The following KIAA1217 variants were observed in gnomAD, a reference collection of about 807,000 sequenced individuals.
KIAA1217 encodes the protein sickle tail protein homolog.
A neutral mutation model predicts 163.9 loss-of-function variants in KIAA1217; 88 were observed. The observed-to-expected ratio is 0.54, with a 90% confidence interval of 0.45 to 0.64. The LOEUF is 0.64. KIAA1217 is among the 30% of genes least tolerant of loss of function. KIAA1217 has a pLI of 0.00. For synonymous variants in KIAA1217, 903 were observed against 923.1 expected, an observed-to-expected ratio of 0.98 and a Z score of 0.39; for missense variants, 2,372 against 2,475.0, an observed-to-expected ratio of 0.96 and a Z score of 0.88.
chr10:24,192,939 C>T (rs1488887558), intron 2 of KIAA1217, among the ~76,000 whole-genome samples: 1 of 152,128 alleles, frequency 6.6e-6, no homozygotes, highest in Non-Finnish European at 1.5e-5. Flanking sequence ...GCCACCACAC[C>T]CAGTTAATTT....
intron 2 of KIAA1217, among the ~76,000 whole-genome samples, chr10:24,174,960 T>G (rs1259292827): frequency 6.6e-6 from 1 of 151,944 alleles, no homozygotes; most frequent in Non-Finnish European, 1.5e-5. Context: ...CGGGTTCAAC[T>G]GATTCTCTTG....
intron 6 of KIAA1217, among the ~76,000 whole-genome samples, chr10:24,488,498 C>A (rs1392808004): frequency 6.6e-6 from 1 of 152,146 alleles, no homozygotes; most frequent in Non-Finnish European, 1.5e-5. Context: ...GCCCTGACTG[C>A]CCACTACACC....
chr10:23,780,786 T>C (rs948495310), intron 1 of KIAA1217, among the ~76,000 whole-genome samples: 1 of 152,194 alleles, frequency 6.6e-6, no homozygotes, highest in African/African-American at 2.4e-5. Flanking sequence ...GTTCAAGTGA[T>C]TCTCATGCCT....
intron 2 of KIAA1217, among the ~76,000 whole-genome samples, chr10:24,230,502 G>GTTTTTTTTTTTTTTTT (rs71397936): frequency 1.1e-5 from 1 of 90,640 alleles, no homozygotes; most frequent in African/African-American, 4.5e-5. Context: ...TATTTGTTTT[G>GTTTTTTTTTTTTTTTT]TTTTTTTTTT....
intron 1 of KIAA1217, among the ~76,000 whole-genome samples, chr10:23,777,667 C>T (rs79524475): frequency 0.01 from 1,559 of 151,930 alleles, 47 homozygotes; most frequent in African/African-American, 0.031. Flanking sequence ...TTTCATATTA[C>T]ATTTAGAAAA....
intron 1 of KIAA1217, among the ~76,000 whole-genome samples, chr10:23,857,927 T>C (rs1193246572): frequency 6.6e-6 from 1 of 151,182 alleles, no homozygotes; most frequent in Non-Finnish European, 1.5e-5. Context: ...AAGTTATATG[T>C]CAAAAACATT....
chr10:23,704,172 G>GTGTGTGTGTGTGTGTGTGTATATATATA (rs1229370789), intron 1 of KIAA1217, among the ~76,000 whole-genome samples: 1 of 39,926 alleles, frequency 2.5e-5, no homozygotes, highest in African/African-American at 1.3e-4. Context: ...GTGTGTGTGT[G>GTGTGTGTGTGTGTGTGTGTATATATATA]TATATATATA....
intron 1 of KIAA1217, among the ~76,000 whole-genome samples, chr10:23,831,853 A>G (rs1262142042): frequency 1.6e-4 from 24 of 152,106 alleles, no homozygotes; most frequent in Admixed American, 1.6e-3. Flanking sequence ...TATTTCTTCC[A>G]CTTCTAAAGA....
At chr10:24,478,785 A>T (rs370313228) in intron 6 of KIAA1217, among the ~76,000 whole-genome samples, 49 of 152,306 alleles carry the variant, frequency 3.2e-4, no homozygotes, top group African/African-American at 1.2e-3. Flanking sequence ...AGCCCTTAAG[A>T]ATTGTAAAAT....
intron 1 of KIAA1217, among the ~76,000 whole-genome samples, chr10:23,797,724 G>A (rs1836275112): frequency 6.6e-6 from 1 of 152,138 alleles, no homozygotes; most frequent in South Asian, 2.1e-4. Flanking sequence ...ATGAAAACAA[G>A]GGGGAAATCT....
intron 1 of KIAA1217, among the ~76,000 whole-genome samples, chr10:23,793,293 G>A (rs998483640): frequency 2.6e-5 from 4 of 152,178 alleles, no homozygotes; most frequent in African/African-American, 9.7e-5. Context: ...TCATGGCACA[G>A]CAGCCCACAA....
chr10:24,353,066 TC>T (rs1384344202), intron 2 of KIAA1217, among the ~76,000 whole-genome samples: 2 of 151,866 alleles, frequency 1.3e-5, no homozygotes, highest in Non-Finnish European at 2.9e-5. Context: ...GCCTCCTAGG[TC>T]TTCTAGGTGG....
intron 1 of KIAA1217, 150 bp downstream of exon 1, chr10:24,209,413 G>C (rs1589918685): frequency 1.6e-6 from 1 of 618,738 alleles, no homozygotes; most frequent in South Asian, 2.0e-5. Context: ...AAACTGAGTA[G>C]AGCATAGAGA....
At chr10:24,229,636 G>A (rs1446844448) in intron 2 of KIAA1217, among the ~76,000 whole-genome samples, 2 of 152,146 alleles carry the variant, frequency 1.3e-5, no homozygotes, top group Non-Finnish European at 2.9e-5. Flanking sequence ...TCCTGCCTCA[G>A]CCTCCCAAGT....
intron 1 of KIAA1217, among the ~76,000 whole-genome samples, chr10:23,931,660 G>A (rs965185896): frequency 6.6e-5 from 10 of 152,260 alleles, no homozygotes; most frequent in Admixed American, 6.5e-4. Flanking sequence ...ACCCAAAAGT[G>A]TCTGGTTACC....
At chr10:23,769,371 G>A (rs970308380) in intron 1 of KIAA1217, among the ~76,000 whole-genome samples, 1 of 152,162 alleles carries the variant, frequency 6.6e-6, no homozygotes, top group Non-Finnish European at 1.5e-5. Flanking sequence ...CTTTACAGTA[G>A]TGATGTTATC....
intron 2 of KIAA1217, among the ~76,000 whole-genome samples, chr10:24,300,685 AG>A (rs761497337): frequency 1.9e-4 from 29 of 151,434 alleles, no homozygotes; most frequent in Non-Finnish European, 3.4e-4. Context: ...CTCCTGCCTC[AG>A]CCTCCTGAGT....
chr10:23,827,119 G>C (rs942858410), intron 1 of KIAA1217, among the ~76,000 whole-genome samples: 50 of 152,200 alleles, frequency 3.3e-4, no homozygotes, highest in Non-Finnish European at 1.3e-4. Flanking sequence ...TGAACCTATA[G>C]TGATTCTCAA....
intron 2 of KIAA1217, among the ~76,000 whole-genome samples, chr10:24,131,100 G>A (rs1028812285): frequency 6.6e-6 from 1 of 152,274 alleles, no homozygotes; most frequent in Non-Finnish European, 1.5e-5. Context: ...CATACTTGTT[G>A]AAGATATGAA....
Sources: gnomAD v4.1 joint callset for allele counts (sites outside exome capture counted in the v4.1 genomes callset) on GRCh38, gnomAD v4.1.1 for gene constraint, MANE v1.5 for transcripts, NCBI Gene and HGNC (gene_info 2026-07-23, HGNC 2026-07-21) for gene names.